The following GOLGA1 variants were observed in gnomAD, a reference collection of about 807,000 sequenced individuals.
The protein encoded by GOLGA1 is golgin subfamily A member 1.
GOLGA1 carries 63 observed loss-of-function variants against 119.7 expected under a neutral mutation model. The observed-to-expected ratio is 0.53, with a 90% CI of 0.43 to 0.65. The LOEUF is 0.65. Ranked by LOEUF, GOLGA1 falls within the 30% of genes least tolerant of loss-of-function variation. The probability of loss-of-function intolerance (pLI) is 0.00; values close to 1 mark genes in which losing one functional copy is unlikely to be tolerated. For synonymous variants in GOLGA1, 318 were observed against 333.4 expected (o/e 0.95, Z 0.50); for missense variants, 798 against 912.8 (o/e 0.87, Z 1.62).
At position 124,925,254 on chromosome 9, in the gene GOLGA1, T is replaced by C. The variant is rs188351641; in HGVS notation, c.432+1455A>G. ...AGATAAAAAAACAGTTCAATGAGAA[T>C]TTCAATTGCCATAATCTTAAGAGTT... On this transcript the variant is annotated intron_variant, in intron 7 of 22. Coordinates refer to ENST00000373555, the MANE Select transcript of GOLGA1 (RefSeq NM_002077.4). Among the ~76,000 whole-genome samples the C allele has an allele frequency of 1.1e-3, 167 of 152,186 alleles. 1 individual carries two copies. Among genetic ancestry groups the C allele is most frequent in the South Asian group, 0.01 (50 of 4,826 alleles).
chr9:124,939,546 C>CTTTT (rs1830953578), intron 2 of GOLGA1, among the ~76,000 whole-genome samples: 2 of 40,010 alleles, frequency 5.0e-5, no homozygotes. Flanking sequence ...TATTTTCTTT[C>CTTTT]TTTCTTTTTT....
chr9:124,894,899 CCCATCCAAAACAGAGAA>C (rs1829929221), intron 15 of GOLGA1, among the ~76,000 whole-genome samples: 2 of 151,140 alleles, frequency 1.3e-5, no homozygotes, highest in Admixed American at 6.6e-5. Context: ...ACAACAGAGA[CCCATCCAAAACAGAGAA>C]CCATCCACAA....
Position 124,911,929 on chromosome 9 carries a change from T to C in GOLGA1, c.941A>G (p.Glu314Gly), listed in dbSNP as rs377286603. 1.4e-5 allele frequency: 22 copies of C among 1,610,982 alleles called. No homozygotes were observed. In the African/African-American group the frequency reaches 2.5e-4, roughly 19 times the overall value. The change falls in exon 11 of 23, where the codon GAA becomes GGA. Residue 314 changes from glutamate to glycine, a missense_variant. By Grantham distance (98) the Glu-to-Gly change is moderately conservative. Coordinates refer to ENST00000373555, the MANE Select transcript of GOLGA1 (RefSeq NM_002077.4). ...EKRLEQNLSG[E>G]EHLQELLKEK... is the part of the protein sequence containing the mutation. ...TTTCAGGAGTTCTTGCAAGTGTTCT[T>C]CTCCTGATAAGTTCTGTTCTAGTCT...
chr9:124,880,360 G>A lies in GOLGA1; in HGVS notation c.*170C>T, dbSNP rs1264792621. 24 of 521,540 alleles carry A rather than the reference G, an allele frequency of 4.6e-5. No individual in the cohort carries two copies. In the East Asian group the frequency reaches 8.0e-4, roughly 17 times the overall value. The allele number at this position is 521,540 out of a possible 1,614,324, so 32.3% of individuals were successfully genotyped here. On this transcript the variant is annotated 3_prime_UTR_variant, in exon 23 of 23. Transcript: ENST00000373555. ...AATGACAGGATCAGCTACCCCCTGA[G>A]GTTCAGGTCAGCCTGCAGGGAAGTG...
rs764051743 is a variant in GOLGA1, at chr9:124,888,384, C to A, written c.1774G>T (p.Ala592Ser). Residue 592 changes from alanine (A) to serine (S), a missense_variant, in exon 19 of 23, where the codon GCC (alanine) becomes TCC (serine). Transcript: ENST00000373555. The surrounding 1 kb of genome is among the most constrained non-coding windows in gnomAD (Gnocchi z 4.4). Reference sequence around the variant, plus strand: ...AGCTGGAACACAGGGTCCTGCATGGCCCTCGAGGTCACCTACAAGGTGGCA... The same window carrying A: ...AGCTGGAACACAGGGTCCTGCATGGACCTCGAGGTCACCTACAAGGTGGCA... ...SVNESHVTSR[A>S]MQDPVFQLPT... 3 of 1,613,914 alleles carry A rather than the reference C, an allele frequency of 1.9e-6. No homozygotes were observed. The highest frequency in any genetic ancestry group is 2.5e-6 in the Non-Finnish European group (3 of 1,179,920).
chr9:124,882,987 C>T (rs1829626641), intron 19 of GOLGA1, among the ~76,000 whole-genome samples: 2 of 152,248 alleles, frequency 1.3e-5, no homozygotes, highest in Admixed American at 1.3e-4. Flanking sequence ...CTCATCACTA[C>T]TGCTCTCTTG....
Position 124,882,033 on chromosome 9 carries a change from C to T in GOLGA1, c.1966-79G>A, listed in dbSNP as rs1829598407. The T allele has an allele frequency of 8.4e-6, 9 of 1,076,242 alleles. No individual in the cohort carries two copies. The South Asian group carries it at 1.4e-4, about 17-fold the overall frequency. 66.7% of individuals were successfully genotyped at this position (1,076,242 alleles called of 1,614,324 possible). A position where few individuals can be genotyped will look rare whatever the true frequency, so the allele number is the denominator to read the frequency against. ...AAATCACACGGGAGGTTCACCTGGT[C>T]CAAACTATGATCACTATCGTAGGGC... On this transcript the variant is annotated intron_variant, in intron 20 of 22. Transcript: ENST00000373555.
chr9:124,890,567 G>C lies in GOLGA1; in HGVS notation c.1408-89C>G, dbSNP rs1829831966. On this transcript the variant is annotated intron_variant, in intron 15 of 22. Transcript: ENST00000373555. ...CAAGAAGCCCAGCAGACAGGGCATG[G>C]CTTTGCAGAGCCAGACCAACATGCT... 4 of 963,026 alleles carry C rather than the reference G, an allele frequency of 4.2e-6. No homozygotes were observed. In the Admixed American group the frequency reaches 7.0e-5, roughly 17 times the overall value. The allele number at this position is 963,026 out of a possible 1,614,324, so 59.7% of individuals were successfully genotyped here.
chr9:124,903,651 C>CAAAAAAAAAAAAAAAAAAAAAAAAAA (rs11435294), intron 12 of GOLGA1, among the ~76,000 whole-genome samples: 1 of 91,282 alleles, frequency 1.1e-5, no homozygotes, highest in African/African-American at 4.4e-5. Context: ...AGAAAAAGAC[C>CAAAAAAAAAAAAAAAAAAAAAAAAAA]AAAAAAAAAA....
At position 124,881,512 on chromosome 9, in the gene GOLGA1, C is replaced by T. The variant is rs777498506; in HGVS notation, c.2137-255G>A. Among the ~76,000 whole-genome samples the T allele has an allele frequency of 2.0e-4, 31 of 152,202 alleles. No homozygotes were observed. The highest frequency in any genetic ancestry group is 3.8e-4 in the Non-Finnish European group (26 of 68,034). Reference sequence around the variant, plus strand: ...GGACCCAGGAGCGATGGGTGGATTCCGTTCCCGGCTTCCGGCCTCTGGCCT... The same window carrying T: ...GGACCCAGGAGCGATGGGTGGATTCTGTTCCCGGCTTCCGGCCTCTGGCCT... On this transcript the variant is annotated intron_variant, in intron 21 of 22. Coordinates refer to ENST00000373555, the MANE Select transcript of GOLGA1 (RefSeq NM_002077.4). The surrounding 1 kb of genome is among the most constrained non-coding windows in gnomAD (Gnocchi z 4.9).
At chr9:124,901,023 G>A (rs1028916684) in intron 12 of GOLGA1, among the ~76,000 whole-genome samples, 1 of 149,316 alleles carries the variant, frequency 6.7e-6, no homozygotes, top group Non-Finnish European at 1.5e-5. Flanking sequence ...CCAGGCTGGA[G>A]TGCAGTGGCA....
intron 18 of GOLGA1, 52 bp downstream of exon 18, chr9:124,889,091 C>CACCT: frequency 6.8e-7 from 1 of 1,473,336 alleles, no homozygotes; most frequent in Non-Finnish European, 9.3e-7. Context: ...GCACTCTCGG[C>CACCT]ACCTGCCCTG....
In GOLGA1 at chr9:124,900,539, TTC is replaced by T; in HGVS notation, c.1072_1073del (p.Glu358ThrfsTer9). ...AINTLETRVR[E>X]LEQTLQASEE... ...CAGAGGCCTGCAAGGTCTGCTCCAG[TTC>T]TCTCACCTGAGAGGGAAGCAGAAGC... On this transcript the variant is annotated frameshift_variant, in exon 13 of 23. Transcript: ENST00000373555. LOFTEE classifies it high-confidence loss of function. The T allele has an allele frequency of 1.3e-6, 2 of 1,542,378 alleles. No individual in the cohort carries two copies. The highest frequency in any genetic ancestry group is 1.8e-6 in the Non-Finnish European group (2 of 1,115,962).
chr9:124,927,692 G>GC (rs1313768033), intron 6 of GOLGA1, among the ~76,000 whole-genome samples: 3 of 152,150 alleles, frequency 2.0e-5, no homozygotes, highest in Admixed American at 6.6e-5. Flanking sequence ...TATTCATTCA[G>GC]CATCTTCCAG....
intron 2 of GOLGA1, among the ~76,000 whole-genome samples, chr9:124,939,550 C>CTTTTTTTTTTTTTTTTT (rs3051147): frequency 1.2e-5 from 1 of 81,858 alleles, no homozygotes. Context: ...TTCTTTCTTT[C>CTTTTTTTTTTTTTTTTT]TTTTTTTTTT....
intron 15 of GOLGA1, among the ~76,000 whole-genome samples, chr9:124,890,894 C>G (rs1385077166): frequency 6.6e-6 from 1 of 152,092 alleles, no homozygotes; most frequent in Non-Finnish European, 1.5e-5. Flanking sequence ...GTGGCTCACA[C>G]CAATAATCCC....
At chr9:124,902,838 T>C (rs1830139985) in intron 12 of GOLGA1, among the ~76,000 whole-genome samples, 1 of 152,138 alleles carries the variant, frequency 6.6e-6, no homozygotes, top group Non-Finnish European at 1.5e-5. Flanking sequence ...ATTCACATCT[T>C]AGATTTAACC....
At chr9:124,891,200 C>A (rs635982) in intron 15 of GOLGA1, among the ~76,000 whole-genome samples, 1 of 152,194 alleles carries the variant, frequency 6.6e-6, no homozygotes. Flanking sequence ...TCAGAGCCAC[C>A]TAAGATCCAG....
intron 11 of GOLGA1, among the ~76,000 whole-genome samples, chr9:124,910,244 T>C (rs1377922111): frequency 6.6e-6 from 1 of 152,006 alleles, no homozygotes; most frequent in Non-Finnish European, 1.5e-5. Context: ...TTTGTATTTT[T>C]AATAGAGGCG....
Sources: allele counts gnomAD v4.1 joint callset (sites outside exome capture counted in the v4.1 genomes callset), GRCh38; gene constraint gnomAD v4.1.1; non-coding constraint Gnocchi (gnomAD v3.1); transcripts MANE v1.5; gene names NCBI Gene and HGNC (gene_info 2026-07-23, HGNC 2026-07-21).